The following MED13L variants were observed in gnomAD, a reference collection of about 807,000 sequenced individuals.
The protein encoded by MED13L is mediator of RNA polymerase II transcription subunit 13-like.
In MED13L, 7 loss-of-function variants were observed where a neutral mutation model predicts 220.9. The observed-to-expected ratio is 0.03, with a 90% CI of 0.02 to 0.06. The LOEUF (loss-of-function observed/expected upper bound fraction) is 0.06. Among genes scored for constraint, MED13L ranks in the 10% least tolerant of loss-of-function variants. The pLI, the probability that MED13L is intolerant of heterozygous loss-of-function variation, is 1.00. For missense variants in MED13L, 1,965 were observed against 2,760.5 expected, an observed-to-expected ratio of 0.71 and a Z score of 6.46; for synonymous variants, 1,011 against 1,015.2, an observed-to-expected ratio of 1.00 and a Z score of 0.08.
Position 115,980,854 on chromosome 12 carries a change from C to G in MED13L, c.5260G>C (p.Val1754Leu). 1 of 1,605,762 alleles carries G rather than the reference C, an allele frequency of 6.2e-7. No homozygotes were observed. The highest frequency in any genetic ancestry group is 1.1e-5 in the South Asian group (1 of 90,462). Residue 1754 changes from valine to leucine, a missense_variant, in exon 23 of 31, where the codon GTG becomes CTG. By Grantham distance (32) the Val-to-Leu change is conservative. This residue lies in a region of MED13L where 510 missense variants were observed against 620.4 expected (regional missense o/e 0.82). Coordinates refer to ENST00000281928, the MANE Select transcript of MED13L (RefSeq NM_015335.5). ...AGTGGTCGCCTGCACTGGCAGTACA[C>G]TGAAAATGCCATGGACTTCAAGTAT... ...IQYLKSMAFS[V>L]YCQCRRPLPT... is the part of the protein sequence containing the mutation.
intron 1 of MED13L, among the ~76,000 whole-genome samples, chr12:116,244,704 A>C (rs1870953118): frequency 6.6e-6 from 1 of 152,210 alleles, no homozygotes; most frequent in Non-Finnish European, 1.5e-5. Flanking sequence ...TAATTCCAAC[A>C]CTTTGGCAGG....
chr12:116,162,762 C>T (rs573995528), intron 2 of MED13L, among the ~76,000 whole-genome samples: 22 of 152,180 alleles, frequency 1.4e-4, no homozygotes, highest in Admixed American at 3.9e-4. Context: ...TTTGTATATA[C>T]AATTCCTCGT....
At chr12:116,171,215 G>A (rs190533354) in intron 2 of MED13L, among the ~76,000 whole-genome samples, 2 of 152,304 alleles carry the variant, frequency 1.3e-5, no homozygotes, top group African/African-American at 4.8e-5. Context: ...CTGGCCTAAC[G>A]TTTGTCAAGG....
chr12:115,987,398 T>C, intron 17 of MED13L, 110 bp from the exon 18 acceptor site: 1 of 973,494 alleles, frequency 1.0e-6, no homozygotes, highest in Non-Finnish European at 1.6e-6. Flanking sequence ...TTATTAGCTG[T>C]AGTAGATTCT....
Position 116,196,098 on chromosome 12 carries a change from T to C in MED13L, c.310+41370A>G, listed in dbSNP as rs78663504. On this transcript the variant is annotated intron_variant, in intron 2 of 30. Transcript: ENST00000281928. ...AGTTTCAGAACAAGCAAAGAGGCAA[T>C]GAGAAAAGAAAAAATTACACTGAAT... is the stretch of plus-strand genomic sequence containing the variant. Among the ~76,000 whole-genome samples, 20 of 151,656 alleles carry C rather than the reference T, an allele frequency of 1.3e-4. No homozygotes were observed. The East Asian group carries it at 3.3e-3, about 25-fold the overall frequency.
rs1879494308 is a variant in MED13L, at chr12:116,012,779, G to T, written c.1280+18C>A. 6.4e-7 allele frequency: 1 copy of T among 1,555,056 alleles called. No individual in the cohort carries two copies. Among genetic ancestry groups the T allele is most frequent in the African/African-American group, 1.4e-5 (1 of 73,750 alleles). On this transcript the variant is annotated intron_variant, in intron 9 of 30. Transcript: ENST00000281928. ...CCATCATTCGATCCATTACTATTTT[G>T]CCTTTTTTATTACCTACCTGGAACA... is the stretch of plus-strand genomic sequence containing the variant.
In MED13L at chr12:116,195,648, GC is replaced by G. The variant is rs149625532; in HGVS notation, c.310+41819del. On this transcript the variant is annotated intron_variant, in intron 2 of 30. Coordinates refer to ENST00000281928, the MANE Select transcript of MED13L (RefSeq NM_015335.5). ...GTATTTTCAGTAGAGACAGGATTTTGCCATGTTGGCCAGGCTGGTCTTGAAC... is the reference window on the plus strand; with the variant it reads ...GTATTTTCAGTAGAGACAGGATTTTGCATGTTGGCCAGGCTGGTCTTGAAC... Among the ~76,000 whole-genome samples, 582 of 151,924 alleles carry G rather than the reference GC, an allele frequency of 3.8e-3. 2 individuals are homozygous for G. The highest frequency in any genetic ancestry group is 6.8e-3 in the Admixed American group (104 of 15,238).
chr12:116,210,976 A>T (rs1882661522), intron 2 of MED13L, among the ~76,000 whole-genome samples: 1 of 152,210 alleles, frequency 6.6e-6, no homozygotes, highest in African/African-American at 2.4e-5. Flanking sequence ...ACTAGTTTCC[A>T]ACCACAATGA....
chr12:116,093,529 A>G (rs1480171634), intron 4 of MED13L, among the ~76,000 whole-genome samples: 1 of 152,086 alleles, frequency 6.6e-6, no homozygotes, highest in Admixed American at 6.5e-5. Context: ...ACAGAAAGAA[A>G]TTATAGCACA....
intron 2 of MED13L, among the ~76,000 whole-genome samples, chr12:116,185,192 CA>C (rs1880797664): frequency 6.6e-6 from 1 of 152,092 alleles, no homozygotes; most frequent in Admixed American, 6.6e-5. Context: ...TGAAAGACCA[CA>C]AAATCTTTAC....
chr12:116,229,895 C>T (rs1169560826), intron 2 of MED13L, among the ~76,000 whole-genome samples: 1 of 151,894 alleles, frequency 6.6e-6, no homozygotes, highest in African/African-American at 2.4e-5. Flanking sequence ...TCAAATAAAA[C>T]AGAAAAACAG....
At chr12:116,054,209 CACAA>C (rs936884924) in intron 4 of MED13L, among the ~76,000 whole-genome samples, 2 of 149,944 alleles carry the variant, frequency 1.3e-5, no homozygotes, top group East Asian at 1.9e-4. Flanking sequence ...CACACACACA[CACAA>C]ACACACACAC....
At chr12:116,180,227 C>T (rs1288988722) in intron 2 of MED13L, among the ~76,000 whole-genome samples, 2 of 152,090 alleles carry the variant, frequency 1.3e-5, no homozygotes, top group Admixed American at 6.5e-5. Flanking sequence ...AACATCCAGC[C>T]CAAATGTCAA....
At chr12:116,222,479 C>T (rs1422124018) in intron 2 of MED13L, among the ~76,000 whole-genome samples, 2 of 152,134 alleles carry the variant, frequency 1.3e-5, no homozygotes, top group African/African-American at 2.4e-5. Flanking sequence ...AATCCATGAC[C>T]TATGCTGTAA....
chr12:116,186,930 T>G (rs1470271445), intron 2 of MED13L, among the ~76,000 whole-genome samples: 1 of 152,198 alleles, frequency 6.6e-6, no homozygotes, highest in African/African-American at 2.4e-5. Context: ...TTTCTATAAC[T>G]AATCAAACCC....
At position 116,163,362 on chromosome 12, in the gene MED13L, A is replaced by AT. The variant is rs35808540; in HGVS notation, c.311-51851dup. On this transcript the variant is annotated intron_variant, in intron 2 of 30. Transcript: ENST00000281928. ...TAATTGCACTGTTTATAGGTGAAGA[A>AT]TTTTTTTTTTTTTTTTTTTTAAGAC... Among the ~76,000 whole-genome samples, 203 of 140,330 alleles carry AT rather than the reference A, an allele frequency of 1.4e-3. 3 individuals carry two copies. The highest frequency in any genetic ancestry group is 7.3e-3 in the Middle Eastern group (2 of 274). 92.1% of individuals were successfully genotyped at this position (140,330 alleles called of 152,430 possible).
intron 4 of MED13L, among the ~76,000 whole-genome samples, chr12:116,038,205 C>T (rs1468950513): frequency 1.3e-5 from 2 of 150,654 alleles, no homozygotes; most frequent in Non-Finnish European, 3.0e-5. Flanking sequence ...AACCTTTCAT[C>T]CGTTTTGGAG....
chr12:116,271,844 G>C (rs1001822398), intron 1 of MED13L, among the ~76,000 whole-genome samples: 2 of 151,934 alleles, frequency 1.3e-5, no homozygotes, highest in African/African-American at 4.8e-5. Context: ...CATAAAATCT[G>C]TCTAATCTGG....
At chr12:116,176,463 G>A (rs974772731) in intron 2 of MED13L, among the ~76,000 whole-genome samples, 4 of 152,024 alleles carry the variant, frequency 2.6e-5, no homozygotes, top group Non-Finnish European at 4.4e-5. Context: ...GAGTAGCAAA[G>A]AAAAAGGGTG....
Sources: allele counts gnomAD v4.1 joint callset (sites outside exome capture counted in the v4.1 genomes callset), GRCh38; gene constraint gnomAD v4.1.1; regional missense constraint gnomAD v4.1.1; transcripts MANE v1.5; gene names NCBI Gene and HGNC (gene_info 2026-07-23, HGNC 2026-07-21).